STEAP3: variants seen among roughly 807,000 people sequenced by gnomAD.
The protein encoded by STEAP3 is metalloreductase STEAP3.
Under a neutral mutation model 34.9 loss-of-function variants are expected in STEAP3, and 35 were observed. That is an observed-to-expected ratio of 1.00 (90% CI 0.76 to 1.33). The LOEUF (loss-of-function observed/expected upper bound fraction) is 1.33. STEAP3 is among the 40% of genes most tolerant of loss of function. STEAP3 has a pLI of 0.00. For missense variants in STEAP3, 652 were observed against 667.6 expected (o/e 0.98, Z 0.26); for synonymous variants, 281 against 301.6 (o/e 0.93, Z 0.71).
chr2:119,234,800 T>A (rs910221246), intron 2 of STEAP3, among the ~76,000 whole-genome samples: 1 of 152,190 alleles, frequency 6.6e-6, no homozygotes, highest in Non-Finnish European at 1.5e-5. Flanking sequence ...ATAGGGACCC[T>A]AGGGCTTGAG....
intron 1 of STEAP3, among the ~76,000 whole-genome samples, chr2:119,226,213 C>T (rs192899078): frequency 1.8e-4 from 28 of 152,318 alleles, no homozygotes; most frequent in Admixed American, 1.7e-3. Context: ...GGGTGAGATT[C>T]AGGCAGGCTG....
At chr2:119,238,132 G>A (rs550076981) in intron 2 of STEAP3, among the ~76,000 whole-genome samples, 1 of 152,192 alleles carries the variant, frequency 6.6e-6, no homozygotes, top group Non-Finnish European at 1.5e-5. Context: ...ATGTTTTTGT[G>A]TGGATATACA....
chr2:119,261,666 G>A lies in STEAP3; in HGVS notation c.1216-1391G>A, dbSNP rs117404828. Among the ~76,000 whole-genome samples the A allele has an allele frequency of 6.8e-4, 104 of 152,230 alleles. 3 individuals are homozygous for A. The East Asian group carries it at 0.017, about 25-fold the overall frequency. Reference sequence around the variant, plus strand: ...ATCTCCCACTGAAGTTGATTAAGTCGCCTGCCCAGGGTTCATATCAGTTGA... The same window carrying A: ...ATCTCCCACTGAAGTTGATTAAGTCACCTGCCCAGGGTTCATATCAGTTGA... On this transcript the variant is annotated intron_variant, in intron 5 of 5. Transcript: ENST00000393110.
At chr2:119,257,893 T>G (rs1340805262) in intron 5 of STEAP3, 2 of 225,434 alleles carry the variant, frequency 8.9e-6, no homozygotes, top group Admixed American at 1.3e-4. Flanking sequence ...AGAGGGTTAT[T>G]GGACCTCACG....
intron 2 of STEAP3, among the ~76,000 whole-genome samples, chr2:119,235,333 C>T (rs1252402928): frequency 1.3e-5 from 2 of 152,194 alleles, no homozygotes; most frequent in Non-Finnish European, 2.9e-5. Flanking sequence ...TCAGAGACAG[C>T]ATGGATACTC....
intron 5 of STEAP3, chr2:119,257,314 C>A: frequency 9.2e-7 from 1 of 1,087,782 alleles, no homozygotes; most frequent in Non-Finnish European, 1.2e-6. Flanking sequence ...GAGTCCCTGT[C>A]AAATAGGCTG....
At position 119,263,441 on chromosome 2, in the gene STEAP3, A is replaced by G. The variant is rs1233090786; in HGVS notation, c.*103A>G. The stretch of plus-strand genomic sequence containing the variant: ...GTGCAAAGTGGTATAACTGTGTGCA[A>G]ATAGGAGGTTTGAGGTCCAAATTCC... On this transcript the variant is annotated 3_prime_UTR_variant, in exon 6 of 6. Coordinates refer to ENST00000393110, the MANE Select transcript of STEAP3 (RefSeq NM_182915.3). 10 of 1,509,856 alleles carry G rather than the reference A, an allele frequency of 6.6e-6. No individual in the cohort carries two copies. Among genetic ancestry groups the G allele is most frequent in the Admixed American group, 2.0e-5 (1 of 50,950 alleles). The allele number at this position is 1,509,856 out of a possible 1,614,324, so 93.5% of individuals were successfully genotyped here. A position where few individuals can be genotyped will look rare whatever the true frequency, so the allele number is the denominator to read the frequency against.
At chr2:119,257,322 C>A in intron 5 of STEAP3, 2 of 1,173,276 alleles carry the variant, frequency 1.7e-6, no homozygotes, top group Non-Finnish European at 2.2e-6. Context: ...GTCAAATAGG[C>A]TGAAGCCAGA....
At chr2:119,248,470 T>C in intron 4 of STEAP3, 2 of 490,652 alleles carry the variant, frequency 4.1e-6, no homozygotes, top group South Asian at 3.2e-5. Context: ...TGAGTCATAG[T>C]GGGCGTTGAG....
chr2:119,247,892 C>T lies in STEAP3; in HGVS notation c.736C>T (p.Leu246=), dbSNP rs775797937. The T allele has an allele frequency of 6.2e-7, 1 of 1,613,972 alleles. No individual in the cohort carries two copies. Among genetic ancestry groups the T allele is most frequent in the African/African-American group, 1.3e-5 (1 of 75,074 alleles). ...TGCCTACAACTTCGTCCGGGACGTTCTGCAGCCCTATGTGCAGGAAAGCCA... is the reference window on the plus strand; with the variant it reads ...TGCCTACAACTTCGTCCGGGACGTTTTGCAGCCCTATGTGCAGGAAAGCCA... The part of the protein sequence containing the change: ...FYAYNFVRDV[L]QPYVQESQNK... The change falls in exon 4 of 6, where the codon CTG becomes TTG. Residue 246 remains leucine, a synonymous_variant. Transcript: ENST00000393110.
intron 2 of STEAP3, among the ~76,000 whole-genome samples, chr2:119,235,575 T>C (rs959350587): frequency 2.0e-5 from 3 of 152,252 alleles, no homozygotes; most frequent in Admixed American, 2.0e-4. Flanking sequence ...CCCAGCAATA[T>C]GTTTTCATCA....
intron 1 of STEAP3, among the ~76,000 whole-genome samples, chr2:119,227,353 G>T (rs1026803181): frequency 1.1e-4 from 16 of 152,286 alleles, no homozygotes; most frequent in Middle Eastern, 3.4e-3. Flanking sequence ...TCCTCTTCAG[G>T]TGTGGCCTGG....
At chr2:119,255,474 A>G (rs1677748665) in intron 5 of STEAP3, among the ~76,000 whole-genome samples, 2 of 152,210 alleles carry the variant, frequency 1.3e-5, no homozygotes, top group South Asian at 4.1e-4. Context: ...CCCCTAAGAG[A>G]TCACAATGCA....
intron 1 of STEAP3, among the ~76,000 whole-genome samples, chr2:119,226,622 C>T (rs1277669512): frequency 6.6e-6 from 1 of 152,068 alleles, no homozygotes; most frequent in African/African-American, 2.4e-5. Flanking sequence ...CATTGGGCTA[C>T]AGAAGTCCCT....
chr2:119,255,430 T>C (rs1375624969), intron 5 of STEAP3, among the ~76,000 whole-genome samples: 1 of 152,192 alleles, frequency 6.6e-6, no homozygotes, highest in African/African-American at 2.4e-5. Flanking sequence ...AAAGGAGGTC[T>C]GTCATCAGAT....
chr2:119,251,244 C>A (rs1166642607), intron 4 of STEAP3, among the ~76,000 whole-genome samples: 1 of 152,182 alleles, frequency 6.6e-6, no homozygotes, highest in African/African-American at 2.4e-5. Flanking sequence ...GGCCACTCAC[C>A]ACCCCAACTG....
At chr2:119,261,345 CCGCCACACTTAAAT>C (rs1677936034) in intron 5 of STEAP3, among the ~76,000 whole-genome samples, 1 of 152,154 alleles carries the variant, frequency 6.6e-6, no homozygotes, top group South Asian at 2.1e-4. Flanking sequence ...TCTCAGTGTG[CCGCCACACTTAAAT>C]TACACCCTCG....
intron 5 of STEAP3, among the ~76,000 whole-genome samples, chr2:119,261,169 C>A (rs1677929916): frequency 6.6e-6 from 1 of 151,590 alleles, no homozygotes; most frequent in African/African-American, 2.4e-5. Flanking sequence ...ACACACACAC[C>A]AGGGAGGAGC....
rs770821919 is a variant in STEAP3 at position 119,245,810 on chromosome 2, AGCTGGCGG to A, written c.347_354del (p.Leu116GlnfsTer19). ...TCTTCACTGTGCAGTCTCAGTGACC[AGCTGGCGG>A]GCAAGATCCTGGTGGATGTGAGCAA... On this transcript the variant is annotated frameshift_variant, in exon 3 of 6. Transcript: ENST00000393110. LOFTEE classifies it high-confidence loss of function. 1 of 1,614,216 alleles carries A rather than the reference AGCTGGCGG, an allele frequency of 6.2e-7. No individual in the cohort carries two copies. The highest frequency in any genetic ancestry group is 8.5e-7 in the Non-Finnish European group (1 of 1,180,042).
Sources: gnomAD v4.1 joint callset for allele counts (sites outside exome capture counted in the v4.1 genomes callset) on GRCh38, gnomAD v4.1.1 for gene constraint, MANE v1.5 for transcripts, NCBI Gene and HGNC (gene_info 2026-07-23, HGNC 2026-07-21) for gene names.